The following EYS variants were observed in gnomAD, a reference collection of about 807,000 sequenced individuals.
EYS encodes the protein protein eyes shut homolog.
In EYS, 250 loss-of-function variants were observed where a neutral mutation model predicts 282.1. The ratio of observed to expected loss-of-function variants is 0.89; its 90% CI spans 0.80 to 0.98. The LOEUF is 0.98. EYS is among the 50% of genes least tolerant of loss of function. EYS has a pLI of 0.00. For synonymous variants in EYS, 1,355 were observed against 1,282.9 expected (o/e 1.06, Z -1.20); for missense variants, 4,016 against 3,709.0 (o/e 1.08, Z -2.15).
intron 41 of EYS, 39 bp downstream of exon 41, chr6:63,762,422 T>C (rs1278631918): frequency 2.0e-6 from 3 of 1,532,674 alleles, no homozygotes; most frequent in African/African-American, 2.8e-5. Flanking sequence ...ATTTTAGTTA[T>C]ATTTGTGGAC....
At chr6:64,270,475 T>C (rs988661405) in intron 30 of EYS, among the ~76,000 whole-genome samples, 2 of 152,060 alleles carry the variant, frequency 1.3e-5, no homozygotes, top group African/African-American at 4.8e-5. Flanking sequence ...ACGTCTAATC[T>C]AACTACACAT....
intron 31 of EYS, among the ~76,000 whole-genome samples, chr6:64,109,889 G>A (rs767584238): frequency 2.0e-5 from 3 of 152,066 alleles, no homozygotes; most frequent in African/African-American, 2.4e-5. Context: ...TGTGGGGCAA[G>A]CAATGGGTAT....
chr6:64,513,272 TCA>T (rs575127624), intron 26 of EYS, among the ~76,000 whole-genome samples: 56 of 151,952 alleles, frequency 3.7e-4, no homozygotes, highest in Non-Finnish European at 6.5e-4. Flanking sequence ...TGTCCTATAC[TCA>T]CAAAATTTAT....
intron 2 of EYS, among the ~76,000 whole-genome samples, chr6:65,545,258 A>G (rs1020997613): frequency 2.0e-5 from 3 of 151,404 alleles, no homozygotes; most frequent in African/African-American, 7.3e-5. Context: ...TTTTTCTCTG[A>G]TCATTATTGC....
intron 16 of EYS, among the ~76,000 whole-genome samples, chr6:64,910,742 T>G (rs1473003307): frequency 6.6e-6 from 1 of 152,064 alleles, no homozygotes; most frequent in East Asian, 1.9e-4. Flanking sequence ...AATATATGAC[T>G]AGAGGGTTTT....
intron 22 of EYS, among the ~76,000 whole-genome samples, chr6:64,658,739 C>T (rs924430444): frequency 2.0e-5 from 3 of 152,170 alleles, no homozygotes; most frequent in Admixed American, 6.5e-5. Flanking sequence ...GAGTACCCGG[C>T]CATGTGAGGT....
At chr6:64,228,920 C>T (rs894191650) in intron 31 of EYS, among the ~76,000 whole-genome samples, 2 of 152,006 alleles carry the variant, frequency 1.3e-5, no homozygotes, top group African/African-American at 2.4e-5. Context: ...GAAATGATGG[C>T]TTAGAGGGTC....
chr6:64,088,958 A>G (rs1299379304), intron 31 of EYS, among the ~76,000 whole-genome samples: 1 of 151,926 alleles, frequency 6.6e-6, no homozygotes, highest in Non-Finnish European at 1.5e-5. Flanking sequence ...ATACAAGTTG[A>G]TTGTATTTCT....
chr6:65,645,748 T>C (rs960215913), intron 1 of EYS, among the ~76,000 whole-genome samples: 11 of 151,908 alleles, frequency 7.2e-5, no homozygotes, highest in African/African-American at 2.4e-4. Context: ...GCTAGTTATT[T>C]GAAAAGAGAA....
At chr6:63,870,518 G>C (rs1472569986) in intron 35 of EYS, among the ~76,000 whole-genome samples, 1 of 152,128 alleles carries the variant, frequency 6.6e-6, no homozygotes, top group Non-Finnish European at 1.5e-5. Context: ...TGTTGAATTT[G>C]CAATGAGAAT....
chr6:64,626,727 T>C (rs1377655266), intron 22 of EYS, among the ~76,000 whole-genome samples: 1 of 152,218 alleles, frequency 6.6e-6, no homozygotes, highest in Non-Finnish European at 1.5e-5. Flanking sequence ...ACACTTTAGT[T>C]GGACTTCTGG....
intron 12 of EYS, among the ~76,000 whole-genome samples, chr6:65,248,122 A>AT (rs1464499619): frequency 6.6e-6 from 1 of 152,028 alleles, no homozygotes; most frequent in African/African-American, 2.4e-5. Context: ...TGGCTGCTCA[A>AT]TTTTAACACT....
intron 36 of EYS, among the ~76,000 whole-genome samples, chr6:63,848,844 C>T (rs1772168936): frequency 6.6e-6 from 1 of 152,164 alleles, no homozygotes; most frequent in Admixed American, 6.5e-5. Flanking sequence ...ACTGTTCACT[C>T]CTCTGGAAAG....
chr6:65,265,599 A>G (rs936633800), intron 12 of EYS, among the ~76,000 whole-genome samples: 6 of 152,024 alleles, frequency 3.9e-5, no homozygotes, highest in African/African-American at 1.4e-4. Context: ...CCCACTTCCA[A>G]TTGTTTAAAG....
intron 29 of EYS, among the ~76,000 whole-genome samples, chr6:64,385,353 T>A (rs1348037154): frequency 1.3e-5 from 2 of 152,130 alleles, no homozygotes; most frequent in Non-Finnish European, 2.9e-5. Flanking sequence ...TGTGACACTG[T>A]AACAGTATAA....
At chr6:64,055,659 T>C (rs1402700801) in intron 33 of EYS, among the ~76,000 whole-genome samples, 2 of 152,180 alleles carry the variant, frequency 1.3e-5, no homozygotes, top group African/African-American at 2.4e-5. Context: ...GAGTTACATG[T>C]GTCCCTGCTG....
chr6:63,772,234 C>T (rs2149661354), intron 40 of EYS, among the ~76,000 whole-genome samples: 1 of 151,998 alleles, frequency 6.6e-6, no homozygotes, highest in African/African-American at 2.4e-5. Flanking sequence ...AATCTTGGCT[C>T]ACTGCAGCCT....
At chr6:63,973,145 T>C (rs1485528527) in intron 35 of EYS, among the ~76,000 whole-genome samples, 2 of 152,200 alleles carry the variant, frequency 1.3e-5, no homozygotes, top group African/African-American at 4.8e-5. Flanking sequence ...TCTTCCATAA[T>C]GGTTGAAGTA....
chr6:64,255,145 TG>T lies in EYS; in HGVS notation c.6192-24322del, dbSNP rs201883734. Among the ~76,000 whole-genome samples the T allele has an allele frequency of 5.0e-3, 768 of 152,190 alleles. 8 individuals are homozygous for T. The highest frequency in any genetic ancestry group is 0.018 in the African/African-American group (735 of 41,548). On this transcript the variant is annotated intron_variant, in intron 30 of 42. Transcript: ENST00000503581. ...GCATTTAAGCCATCATTGTTGACCA[TG>T]ATAATTGCAATTTCAGTAGAAGCTG...
Sources: gnomAD v4.1 joint callset for allele counts (sites outside exome capture counted in the v4.1 genomes callset) on GRCh38, gnomAD v4.1.1 for gene constraint, MANE v1.5 for transcripts, NCBI Gene and HGNC (gene_info 2026-07-23, HGNC 2026-07-21) for gene names.